DTNA: variants seen among roughly 807,000 people sequenced by gnomAD.
DTNA encodes the protein dystrobrevin alpha, also known as dystrophin-related protein 3.
In DTNA, 43 loss-of-function variants were observed where a neutral mutation model predicts 100.7. The observed-to-expected ratio is 0.43, with a 90% CI of 0.33 to 0.55. DTNA has a LOEUF of 0.55. Ranked by LOEUF, DTNA falls within the 20% of genes least tolerant of loss-of-function variation. The pLI is 0.04. For synonymous variants in DTNA, 349 were observed against 347.9 expected, an observed-to-expected ratio of 1.00 and a Z score of -0.04; for missense variants, 798 against 953.9, an observed-to-expected ratio of 0.84 and a Z score of 2.15.
In DTNA at chr18:34,623,098, A is replaced by G. The variant is rs16960003; in HGVS notation, c.-2+129584A>G. Among the ~76,000 whole-genome samples, 897 of 152,344 alleles carry G rather than the reference A, an allele frequency of 5.9e-3. 12 individuals carry two copies. The highest frequency in any genetic ancestry group is 0.02 in the African/African-American group (851 of 41,578). On this transcript the variant is annotated intron_variant, in intron 1 of 19. Transcript: ENST00000283365. ...ACAAACATGCTGTGTGTTAAGGCAC[A>G]TGAGACCCCCATGGGGCAGATCTCC...
At chr18:34,700,976 A>C (rs1318903822) in intron 1 of DTNA, among the ~76,000 whole-genome samples, 4 of 151,868 alleles carry the variant, frequency 2.6e-5, no homozygotes, top group African/African-American at 4.8e-5. Context: ...TGCCACATAC[A>C]CTCTGTATCC....
At chr18:34,812,322 T>C (rs2095502292) in intron 6 of DTNA, among the ~76,000 whole-genome samples, 1 of 152,176 alleles carries the variant, frequency 6.6e-6, no homozygotes. Context: ...TTACTGACCA[T>C]GAGGCAGGCA....
intron 16 of DTNA, among the ~76,000 whole-genome samples, chr18:34,863,628 T>C: frequency 6.6e-6 from 1 of 152,246 alleles, no homozygotes; most frequent in Non-Finnish European, 1.5e-5. Flanking sequence ...AATTTGGTTT[T>C]TGTTTGTTTC....
chr18:34,840,522 G>A (rs1331618175), intron 13 of DTNA, among the ~76,000 whole-genome samples: 2 of 151,918 alleles, frequency 1.3e-5, no homozygotes, highest in African/African-American at 4.8e-5. Flanking sequence ...GCTCTTCTTT[G>A]ACCTTTTCTT....
intron 3 of DTNA, among the ~76,000 whole-genome samples, chr18:34,781,496 A>G (rs2094319629): frequency 6.6e-6 from 1 of 152,172 alleles, no homozygotes. Context: ...CATTGGCCTT[A>G]AAAGTTTTTT....
chr18:34,766,156 T>A, intron 3 of DTNA, 115 bp downstream of exon 3: 1 of 1,204,616 alleles, frequency 8.3e-7, no homozygotes, highest in Non-Finnish European at 1.2e-6. Flanking sequence ...GTTATATATG[T>A]TTACACAACA....
intron 1 of DTNA, among the ~76,000 whole-genome samples, chr18:34,678,739 G>A (rs943691798): frequency 3.9e-5 from 6 of 152,106 alleles, no homozygotes; most frequent in Admixed American, 6.5e-5. Flanking sequence ...GGGATCTTGG[G>A]CATTGGGGCG....
At position 34,793,909 on chromosome 18, in the gene DTNA, T is replaced by A. The variant is rs9989533; in HGVS notation, c.149-128T>A. On this transcript the variant is annotated intron_variant, in intron 3 of 22. Coordinates refer to ENST00000444659, the MANE Select transcript of DTNA (RefSeq NM_001386795.1). ...TGCACAGCCTATGTTCATTTACTTA[T>A]GTTGACCCCCTGCAACAGCTGCACA... 4.4e-6 allele frequency: 4 copies of A among 910,772 alleles called. No homozygotes were observed. The African/African-American group carries it at 6.6e-5, about 15-fold the overall frequency. The allele number at this position is 910,772 out of a possible 1,614,324, so 56.4% of individuals were successfully genotyped here.
At chr18:34,821,050 A>T in intron 9 of DTNA, 135 bp downstream of exon 9, 1 of 1,323,192 alleles carries the variant, frequency 7.6e-7, no homozygotes, top group South Asian at 1.3e-5. Flanking sequence ...AGTCAGAGTA[A>T]TGCCATCATA....
At chr18:34,816,365 T>C (rs111592647) in intron 7 of DTNA, among the ~76,000 whole-genome samples, 1 of 152,138 alleles carries the variant, frequency 6.6e-6, no homozygotes, top group African/African-American at 2.4e-5. Flanking sequence ...GTACTGATTA[T>C]TTCTTCCCAG....
intron 1 of DTNA, among the ~76,000 whole-genome samples, chr18:34,613,248 C>G (rs2054577634): frequency 1.3e-5 from 2 of 152,234 alleles, no homozygotes; most frequent in African/African-American, 4.8e-5. Flanking sequence ...GACTGCTCCA[C>G]TGACCAGCCA....
intron 1 of DTNA, among the ~76,000 whole-genome samples, chr18:34,557,017 G>A (rs547404029): frequency 2.0e-5 from 3 of 150,108 alleles, no homozygotes; most frequent in South Asian, 2.1e-4. Context: ...CCAATCAGAC[G>A]TAGATTTGGT....
intron 1 of DTNA, among the ~76,000 whole-genome samples, chr18:34,575,101 T>C (rs972381768): frequency 3.3e-5 from 5 of 152,198 alleles, no homozygotes; most frequent in African/African-American, 1.2e-4. Context: ...TGTGAAACAT[T>C]TCTTCTCTCT....
intron 1 of DTNA, among the ~76,000 whole-genome samples, chr18:34,626,133 A>C (rs1273860622): frequency 6.6e-6 from 1 of 152,206 alleles, no homozygotes; most frequent in African/African-American, 2.4e-5. Context: ...TCCTCTAAAC[A>C]GTTTATAAAG....
At chr18:34,664,453 A>G (rs555992948) in intron 1 of DTNA, among the ~76,000 whole-genome samples, 1 of 152,262 alleles carries the variant, frequency 6.6e-6, no homozygotes, top group African/African-American at 2.4e-5. Flanking sequence ...AATGAGAATC[A>G]AGGGAGGAAA....
intron 1 of DTNA, among the ~76,000 whole-genome samples, chr18:34,609,956 G>A (rs897140482): frequency 1.3e-5 from 2 of 152,104 alleles, no homozygotes; most frequent in African/African-American, 4.8e-5. Flanking sequence ...GGGACACTTT[G>A]AGACCAATTT....
rs186562759 is a variant in DTNA, at chr18:34,651,379, C to T, written c.-1-104597C>T. Among the ~76,000 whole-genome samples the T allele has an allele frequency of 8.9e-4, 136 of 152,144 alleles. 1 individual carries two copies. The highest frequency in any genetic ancestry group is 6.0e-4 in the Non-Finnish European group (41 of 68,002). On this transcript the variant is annotated intron_variant, in intron 1 of 19. Transcript: ENST00000283365. ...TAAACACTCAATAAATGCTAATAGT[C>T]ATTACTATTTGATTTTGATTTTATA...
At position 34,888,609 on chromosome 18, in the gene DTNA, A is replaced by G. The variant is rs991643963; in HGVS notation, c.*875A>G. On this transcript the variant is annotated 3_prime_UTR_variant, in exon 23 of 23. Transcript: ENST00000444659. ...AATCTAGTTTTTAAAATCAGCACAG[A>G]TCTTCTTAAAAACTGTGAACTATGT... 1 of 985,752 alleles carries G rather than the reference A, an allele frequency of 1.0e-6. No individual in the cohort carries two copies. Among genetic ancestry groups the G allele is most frequent in the African/African-American group, 1.7e-5 (1 of 57,238 alleles). 61.1% of individuals were successfully genotyped at this position (985,752 alleles called of 1,614,324 possible).
chr18:34,547,221 A>G (rs1264465201), intron 1 of DTNA, among the ~76,000 whole-genome samples: 1 of 152,148 alleles, frequency 6.6e-6, no homozygotes, highest in Non-Finnish European at 1.5e-5. Flanking sequence ...CAACAAAAGC[A>G]AAATATATAC....
Sources: gnomAD v4.1 joint callset for allele counts (sites outside exome capture counted in the v4.1 genomes callset) on GRCh38, gnomAD v4.1.1 for gene constraint, MANE v1.5 for transcripts, NCBI Gene and HGNC (gene_info 2026-07-23, HGNC 2026-07-21) for gene names.